The following ZC3H12B variants were observed in gnomAD, a reference collection of about 807,000 sequenced individuals.
ZC3H12B encodes zinc finger CCCH-type containing 12B.
Under a neutral mutation model 43.9 loss-of-function variants are expected in ZC3H12B, and 7 were observed. The ratio of observed to expected loss-of-function variants is 0.16; its 90% CI spans 0.09 to 0.30. ZC3H12B has a LOEUF of 0.30. Ranked by LOEUF, ZC3H12B falls within the 10% of genes least tolerant of loss-of-function variation. ZC3H12B has a pLI of 1.00. For synonymous variants in ZC3H12B, 222 were observed against 241.7 expected (o/e 0.92, Z 0.76); for missense variants, 475 against 670.2 (o/e 0.71, Z 3.22).
the ZC3H12B span, among the ~76,000 whole-genome samples, chrX:65,166,641 A>G: frequency 3.6e-5 from 4 of 111,833 alleles, no homozygotes; most frequent in Non-Finnish European, 7.5e-5. Context: ...CAATGGTTGA[A>G]CTAGTTTACA....
the ZC3H12B span, among the ~76,000 whole-genome samples, chrX:65,176,415 C>A: frequency 9.0e-6 from 1 of 111,565 alleles, no homozygotes; most frequent in Non-Finnish European, 1.9e-5. Flanking sequence ...ACTAACATCT[C>A]CCTAGAACAG....
At chrX:65,226,516 A>C in the ZC3H12B span, among the ~76,000 whole-genome samples, 83 of 111,810 alleles carry the variant, frequency 7.4e-4, no homozygotes, top group African/African-American at 2.2e-3. Context: ...GACAGTATCA[A>C]ATTCACACAT....
At chrX:65,362,435 A>G (rs1171037109), upstream of ZC3H12B, among the ~76,000 whole-genome samples, 1 of 110,892 alleles carries the variant, frequency 9.0e-6, no homozygotes, top group Non-Finnish European at 1.9e-5. Flanking sequence ...CTTTTTAGTT[A>G]TCCCCACTTG....
the ZC3H12B span, among the ~76,000 whole-genome samples, chrX:65,114,916 A>ATTTTTTTTTTTTTTTTTT: frequency 5.2e-5 from 1 of 19,324 alleles, no homozygotes; most frequent in African/African-American, 2.7e-4. Context: ...GTGTCTCAGG[A>ATTTTTTTTTTTTTTTTTT]TTTTTTTTTT....
chrX:65,379,554 C>G (rs1302835758), intron 2 of ZC3H12B, among the ~76,000 whole-genome samples: 1 of 112,333 alleles, frequency 8.9e-6, no homozygotes, highest in Non-Finnish European at 1.9e-5. Flanking sequence ...GAGCGCCTCT[C>G]CTCCTCCAAA....
chrX:65,054,899 G>A, the ZC3H12B span, among the ~76,000 whole-genome samples: 2 of 111,358 alleles, frequency 1.8e-5, no homozygotes, highest in African/African-American at 3.3e-5. Flanking sequence ...GTCTGTTATT[G>A]ATGTATAAGA....
chrX:65,149,902 C>A, the ZC3H12B span, among the ~76,000 whole-genome samples: 1 of 109,435 alleles, frequency 9.1e-6, no homozygotes. Context: ...ACTTATGAAA[C>A]CACTTAACAA....
At chrX:65,227,188 G>C in the ZC3H12B span, among the ~76,000 whole-genome samples, 5 of 111,603 alleles carry the variant, frequency 4.5e-5, no homozygotes, top group Non-Finnish European at 9.4e-5. Flanking sequence ...GTGTCTCTCA[G>C]ACCACAGTGC....
chrX:65,080,824 C>T, the ZC3H12B span, among the ~76,000 whole-genome samples: 127 of 111,542 alleles, frequency 1.1e-3, no homozygotes, highest in African/African-American at 4.0e-3. Context: ...CAGAAAAACA[C>T]AGAATATTAT....
intron 3 of ZC3H12B, among the ~76,000 whole-genome samples, chrX:65,449,737 A>G (rs1305069588): frequency 8.9e-6 from 1 of 111,975 alleles, no homozygotes; most frequent in Non-Finnish European, 1.9e-5. Context: ...TTATTCTAAG[A>G]GAAGTAACTC....
chrX:65,227,806 A>G, the ZC3H12B span, among the ~76,000 whole-genome samples: 1 of 111,549 alleles, frequency 9.0e-6, no homozygotes, highest in African/African-American at 3.3e-5. Flanking sequence ...ATTCCTCGAC[A>G]CATACACCCT....
the ZC3H12B span, among the ~76,000 whole-genome samples, chrX:65,069,216 TCTG>T: frequency 3.7e-5 from 4 of 107,493 alleles, no homozygotes; most frequent in Non-Finnish European, 5.8e-5. Context: ...TCAACTTTCT[TCTG>T]CTGTCTTTTT....
At chrX:65,120,502 T>A in the ZC3H12B span, among the ~76,000 whole-genome samples, 1 of 111,955 alleles carries the variant, frequency 8.9e-6, no homozygotes, top group Admixed American at 9.5e-5. Flanking sequence ...TGATTTTGTA[T>A]CCTGAGACTT....
intron 3 of ZC3H12B, among the ~76,000 whole-genome samples, chrX:65,456,723 C>G (rs941845657): frequency 1.8e-5 from 2 of 109,175 alleles, no homozygotes; most frequent in African/African-American, 6.7e-5. Context: ...GGATTGCAGA[C>G]AGAGTCTCGT....
At chrX:65,410,125 AAC>A (rs1472672851) in intron 3 of ZC3H12B, among the ~76,000 whole-genome samples, 3 of 109,576 alleles carry the variant, frequency 2.7e-5, no homozygotes, top group African/African-American at 9.9e-5. Flanking sequence ...AAAAAAAAAA[AAC>A]AATGGGACAT....
the ZC3H12B span, among the ~76,000 whole-genome samples, chrX:65,212,311 AATT>A: frequency 2.2e-4 from 2 of 8,962 alleles, no homozygotes; most frequent in East Asian, 4.3e-3. Context: ...TATATAATAT[AATT>A]ATTATATTTA....
chrX:65,329,360 T>A, the ZC3H12B span, among the ~76,000 whole-genome samples: 1 of 111,260 alleles, frequency 9.0e-6, no homozygotes, highest in South Asian at 3.7e-4. Context: ...TTGAGAAGTG[T>A]CTGTTCATAT....
intron 4 of ZC3H12B, 141 bp downstream of exon 9, chrX:65,500,130 G>A (rs1394174618): frequency 2.1e-6 from 1 of 485,499 alleles, no homozygotes; most frequent in Admixed American, 3.4e-5. Flanking sequence ...GTGTCTTCGT[G>A]TACACTGTTA....
the ZC3H12B span, among the ~76,000 whole-genome samples, chrX:65,156,340 A>G: frequency 1.8e-5 from 2 of 111,313 alleles, no homozygotes; most frequent in Non-Finnish European, 3.8e-5. Context: ...AGCTGGTACT[A>G]TCAGCACATG....
Sources: allele counts gnomAD v4.1 joint callset (sites outside exome capture counted in the v4.1 genomes callset), GRCh38; gene constraint gnomAD v4.1.1; transcripts MANE v1.5; gene names NCBI Gene and HGNC (gene_info 2026-07-23, HGNC 2026-07-21).